The following SCGB2A2 variants were observed in gnomAD, a reference collection of about 807,000 sequenced individuals.
The protein encoded by SCGB2A2 is secretoglobin family 2A member 2, also known as mammaglobin-A.
SCGB2A2 carries 11 observed loss-of-function variants against 8.8 expected under a neutral mutation model. The ratio of observed to expected loss-of-function variants is 1.25; its 90% CI spans 0.79 to 2.07. The LOEUF (loss-of-function observed/expected upper bound fraction) is 2.07. Ranked by LOEUF, SCGB2A2 falls within the 30% of genes most tolerant of loss-of-function variation. The probability of loss-of-function intolerance (pLI) is 0.00; values close to 1 mark genes in which losing one functional copy is unlikely to be tolerated. For missense variants in SCGB2A2, 113 were observed against 109.9 expected (o/e 1.03, Z -0.13); for synonymous variants, 42 against 40.9 (o/e 1.03, Z -0.10).
chr11:62,271,943 C>T, intron 2 of SCGB2A2: 1 of 944,168 alleles, frequency 1.1e-6, no homozygotes, highest in African/African-American at 1.8e-5. Flanking sequence ...AAACAAAAAC[C>T]AATAGTTTTG....
At position 62,270,264 on chromosome 11, in the gene SCGB2A2, C is replaced by G; in HGVS notation, c.48C>G (p.Cys16Trp). 1 of 1,613,916 alleles carries G rather than the reference C, an allele frequency of 6.2e-7. No homozygotes were observed. The highest frequency in any genetic ancestry group is 1.1e-5 in the South Asian group (1 of 91,074). ...TGCTGGCGGCCCTCTCCCAGCACTG[C>G]TACGCAGGTGAGTTCTGTGCAGGGA... Reference protein sequence around the residue: ...VLMLAALSQHCYAGSGCPLLE... With the variant: ...VLMLAALSQHWYAGSGCPLLE... The change falls in exon 1 of 3, where the codon TGC becomes TGG. Residue 16 changes from cysteine to tryptophan, a missense_variant. By Grantham distance (215) the Cys-to-Trp change is radical. Transcript: ENST00000227918.
At chr11:62,271,823 C>T (rs1191440704) in intron 2 of SCGB2A2, 2 of 984,424 alleles carry the variant, frequency 2.0e-6, no homozygotes, top group African/African-American at 1.7e-5. Context: ...ATTTAAAATG[C>T]ACTTCCAGGC....
At position 62,270,245 on chromosome 11, in the gene SCGB2A2, C is replaced by T. The variant is rs779171446; in HGVS notation, c.29C>T (p.Ala10Val). The change falls in exon 1 of 3, where the codon GCG (alanine) becomes GTG (valine). Residue 10 changes from alanine (A) to valine (V), a missense_variant. By Grantham distance (64) the Ala-to-Val change is moderately conservative. Coordinates refer to ENST00000227918, the MANE Select transcript of SCGB2A2 (RefSeq NM_002411.4). MKLLMVLML[A>V]ALSQHCYAGS... ...AAGTTGCTGATGGTCCTCATGCTGG[C>T]GGCCCTCTCCCAGCACTGCTACGCA... is the stretch of plus-strand genomic sequence containing the variant. The T allele has an allele frequency of 5.0e-6, 8 of 1,613,762 alleles. No individual in the cohort carries two copies. The highest frequency in any genetic ancestry group is 4.5e-5 in the East Asian group (2 of 44,884).
chr11:62,271,510 C>A lies in SCGB2A2; in HGVS notation c.243+442C>A, dbSNP rs753459678. ...AGACAGGCAAAGACACAGACACAGA[C>A]ACAGACACAATCACACCAGCACACA... On this transcript the variant is annotated intron_variant, in intron 2 of 2. Coordinates refer to ENST00000227918, the MANE Select transcript of SCGB2A2 (RefSeq NM_002411.4). 5 of 1,214,464 alleles carry A rather than the reference C, an allele frequency of 4.1e-6. No homozygotes were observed. The East Asian group carries it at 1.5e-4, about 37-fold the overall frequency. The allele number at this position is 1,214,464 out of a possible 1,614,324, so 75.2% of individuals were successfully genotyped here.
chr11:62,271,355 A>G, intron 2 of SCGB2A2: 14 of 1,436,272 alleles, frequency 9.7e-6, no homozygotes, highest in Middle Eastern at 2.6e-4. Flanking sequence ...TCTCTAATTC[A>G]TGCTCACAAA....
At chr11:62,270,521 C>A (rs1216040560) in intron 1 of SCGB2A2, among the ~76,000 whole-genome samples, 6 of 152,198 alleles carry the variant, frequency 3.9e-5, no homozygotes, top group Non-Finnish European at 7.3e-5. Context: ...ACTTGGAAAT[C>A]TTCTGTGATG....
In SCGB2A2 at chr11:62,273,016, T is replaced by C. The variant is rs765682821; in HGVS notation, c.*21T>C. On this transcript the variant is annotated 3_prime_UTR_variant, in exon 3 of 3. Coordinates refer to ENST00000227918, the MANE Select transcript of SCGB2A2 (RefSeq NM_002411.4). ...TTTAACTTTCTGCAAGACCTTTGGCTCACAGAACTGCAGGGTATGGTGAGA... is the reference window on the plus strand; with the variant it reads ...TTTAACTTTCTGCAAGACCTTTGGCCCACAGAACTGCAGGGTATGGTGAGA... 2 of 1,596,766 alleles carry C rather than the reference T, an allele frequency of 1.3e-6. No homozygotes were observed. Among genetic ancestry groups the C allele is most frequent in the East Asian group, 2.2e-5 (1 of 44,466 alleles).
rs1945278438 is a variant in SCGB2A2, at chr11:62,271,453, A to G, written c.243+385A>G. ...CAGACACAGTCACAATCACACAAAC[A>G]CACACACATTCAGACATACACAAAC... On this transcript the variant is annotated intron_variant, in intron 2 of 2. Coordinates refer to ENST00000227918, the MANE Select transcript of SCGB2A2 (RefSeq NM_002411.4). 3.0e-6 allele frequency: 4 copies of G among 1,354,916 alleles called. No individual in the cohort carries two copies. In the South Asian group the frequency reaches 7.5e-5, roughly 25 times the overall value. The allele number at this position is 1,354,916 out of a possible 1,614,324, so 83.9% of individuals were successfully genotyped here.
chr11:62,271,904 T>C lies in SCGB2A2; in HGVS notation c.243+836T>C, dbSNP rs1012044991. On this transcript the variant is annotated intron_variant, in intron 2 of 2. Transcript: ENST00000227918. ...AATAGGCAACTGTAGATCATGGGTA[T>C]GAAACCACCATGGAGGAAGAATTGC... The C allele has an allele frequency of 7.6e-5, 75 of 983,480 alleles. No homozygotes were observed. In the Admixed American group the frequency reaches 8.6e-4, roughly 11 times the overall value. The allele number at this position is 983,480 out of a possible 1,614,324, so 60.9% of individuals were successfully genotyped here. A position where few individuals can be genotyped will look rare whatever the true frequency, so the allele number is the denominator to read the frequency against.
At chr11:62,272,042 T>TAAAAAAAAAAAAAAAAAAAAA (rs71053028) in intron 2 of SCGB2A2, 7 of 215,064 alleles carry the variant, frequency 3.3e-5, no homozygotes, top group East Asian at 3.9e-4. Flanking sequence ...CCTTCCCTGG[T>TAAAAAAAAAAAAAAAAAAAAA]AAAAAAAAAA....
intron 2 of SCGB2A2, 175 bp downstream of exon 2, chr11:62,271,243 C>T (rs1945276598): frequency 6.7e-7 from 1 of 1,494,682 alleles, no homozygotes. Flanking sequence ...ATCCAGTGTC[C>T]CTGTGTTGTC....
At chr11:62,270,432 T>G (rs1945268182) in intron 1 of SCGB2A2, among the ~76,000 whole-genome samples, 161 bp downstream of exon 1, 1 of 152,174 alleles carries the variant, frequency 6.6e-6, no homozygotes, top group African/African-American at 2.4e-5. Context: ...CTTGAACTCC[T>G]GAGCTCAGGC....
At chr11:62,271,200 G>T (rs756698777) in intron 2 of SCGB2A2, 132 bp downstream of exon 2, 1 of 1,568,700 alleles carries the variant, frequency 6.4e-7, no homozygotes, top group Admixed American at 1.8e-5. Flanking sequence ...TTAGTTGAAT[G>T]GTTAGTCTAA....
chr11:62,272,755 AAC>A (rs1294424326), intron 2 of SCGB2A2, among the ~76,000 whole-genome samples, 200 bp from the exon 3 acceptor site: 4 of 151,782 alleles, frequency 2.6e-5, no homozygotes, highest in African/African-American at 9.7e-5. Flanking sequence ...AAGAACCACA[AAC>A]ACACAGAAAA....
chr11:62,271,707 CT>C (rs1945280573), intron 2 of SCGB2A2: 4 of 985,922 alleles, frequency 4.1e-6, no homozygotes, highest in Non-Finnish European at 4.8e-6. Context: ...GAAAACTTCT[CT>C]TCTTCAAAAA....
intron 2 of SCGB2A2, chr11:62,271,559 A>G (rs1945279315): frequency 2.8e-6 from 3 of 1,089,122 alleles, no homozygotes; most frequent in Non-Finnish European, 3.4e-6. Flanking sequence ...AAACACAAAC[A>G]CACAGACAGA....
chr11:62,273,070 C>T lies in SCGB2A2; in HGVS notation c.*75C>T. ...CAACTACGGATTGCTGCAAACCACA[C>T]CTTCTCTTTCTTATGTCTTTTTACT... On this transcript the variant is annotated 3_prime_UTR_variant, in exon 3 of 3. Transcript: ENST00000227918. 1 of 1,002,318 alleles carries T rather than the reference C, an allele frequency of 1.0e-6. No individual in the cohort carries two copies. The highest frequency in any genetic ancestry group is 1.5e-6 in the Non-Finnish European group (1 of 661,380). The allele number at this position is 1,002,318 out of a possible 1,614,324, so 62.1% of individuals were successfully genotyped here.
intron 2 of SCGB2A2, among the ~76,000 whole-genome samples, chr11:62,272,295 A>C (rs1945285888): frequency 6.6e-6 from 1 of 150,968 alleles, no homozygotes; most frequent in Non-Finnish European, 1.5e-5. Flanking sequence ...TTGGGTGCAG[A>C]GAAGAAGGGG....
At position 62,270,185 on chromosome 11, in the gene SCGB2A2, C is replaced by G. The variant is rs540661405; in HGVS notation, c.-32C>G. The G allele has an allele frequency of 1.2e-6, 2 of 1,612,056 alleles. No individual in the cohort carries two copies. The highest frequency in any genetic ancestry group is 2.2e-5 in the South Asian group (2 of 91,036). On this transcript the variant is annotated 5_prime_UTR_variant, in exon 1 of 3. Transcript: ENST00000227918. ...AGCGGCTTCCTTGATCCTTGCCACCCGCGACTGAACACCGACAGCAGCAGC... is the reference window on the plus strand; with the variant it reads ...AGCGGCTTCCTTGATCCTTGCCACCGGCGACTGAACACCGACAGCAGCAGC...
Sources: gnomAD v4.1 joint callset for allele counts (sites outside exome capture counted in the v4.1 genomes callset) on GRCh38, gnomAD v4.1.1 for gene constraint, MANE v1.5 for transcripts, NCBI Gene and HGNC (gene_info 2026-07-23, HGNC 2026-07-21) for gene names.